The following CDH13 variants were observed in gnomAD, a reference collection of about 807,000 sequenced individuals.
CDH13 encodes the protein cadherin 13.
A neutral mutation model predicts 63.8 loss-of-function variants in CDH13; 24 were observed. The observed-to-expected ratio is 0.38, with a 90% CI of 0.27 to 0.53. CDH13 has a LOEUF of 0.53. CDH13 is among the 20% of genes least tolerant of loss of function. The pLI is 0.85. For synonymous variants in CDH13, 503 were observed against 355.3 expected, an observed-to-expected ratio of 1.42 and a Z score of -4.67; for missense variants, 1,049 against 903.1, an observed-to-expected ratio of 1.16 and a Z score of -2.07.
At chr16:83,200,252 G>A (rs1005750438) in intron 4 of CDH13, among the ~76,000 whole-genome samples, 6 of 152,182 alleles carry the variant, frequency 3.9e-5, no homozygotes, top group African/African-American at 1.2e-4. Context: ...GCTTAGCACC[G>A]TCGGCCAAGT....
At position 83,184,934 on chromosome 16, in the gene CDH13, T is replaced by A. The variant is rs566919514; in HGVS notation, c.484-32411T>A. Among the ~76,000 whole-genome samples the A allele has an allele frequency of 5.8e-3, 583 of 100,762 alleles. 1 individual carries two copies. The highest frequency in any genetic ancestry group is 0.029 in the African/African-American group (566 of 19,348). The allele number at this position is 100,762 out of a possible 152,430, so 66.1% of individuals were successfully genotyped here. A position where few individuals can be genotyped will look rare whatever the true frequency, so the allele number is the denominator to read the frequency against. ...GTGTGTGTGTGTAGTAGCAGCTTAT[T>A]TTTTTTCTATTTCTCTTTGATTTTT... On this transcript the variant is annotated intron_variant, in intron 4 of 13. Transcript: ENST00000567109.
At chr16:83,445,620 GT>G (rs144919126) in intron 6 of CDH13, among the ~76,000 whole-genome samples, 373 of 152,276 alleles carry the variant, frequency 2.4e-3, no homozygotes, top group African/African-American at 8.6e-3. Flanking sequence ...TGCACATTTT[GT>G]TAGCGATAAA....
intron 4 of CDH13, among the ~76,000 whole-genome samples, chr16:83,193,508 A>G (rs1055756982): frequency 5.9e-5 from 9 of 152,126 alleles, no homozygotes; most frequent in African/African-American, 1.9e-4. Context: ...TAGGTTCTCT[A>G]TAGGATGGGG....
At chr16:83,399,234 G>T (rs1306561930) in intron 6 of CDH13, among the ~76,000 whole-genome samples, 1 of 152,202 alleles carries the variant, frequency 6.6e-6, no homozygotes, top group South Asian at 2.1e-4. Flanking sequence ...AACAGTGTGG[G>T]TGATAATATT....
intron 7 of CDH13, among the ~76,000 whole-genome samples, chr16:83,524,498 G>C (rs1174918682): frequency 8.1e-6 from 1 of 122,960 alleles, no homozygotes; most frequent in Non-Finnish European, 1.6e-5. Context: ...TGTTGCCCAG[G>C]CTGGACTGCA....
At chr16:83,522,954 A>C (rs2074874245) in intron 7 of CDH13, among the ~76,000 whole-genome samples, 1 of 152,160 alleles carries the variant, frequency 6.6e-6, no homozygotes, top group African/African-American at 2.4e-5. Context: ...TGACCTTAGC[A>C]GGTGCTGTTC....
Position 83,082,381 on chromosome 16 carries a change from T to C in CDH13, c.367-43004T>C, listed in dbSNP as rs148963579. ...TCTCCCTGCCCTTAATCCCAGCATT[T>C]TGGAAGGCTGAGGCAGGTGGATCAC... is the stretch of plus-strand genomic sequence containing the variant. On this transcript the variant is annotated intron_variant, in intron 3 of 13. Transcript: ENST00000567109. 9.2e-5 allele frequency among the ~76,000 whole-genome samples: 14 copies of C among 152,212 alleles called. 1 individual carries two copies. The highest frequency in any genetic ancestry group is 5.9e-4 in the Admixed American group (9 of 15,282).
At chr16:83,236,547 A>T (rs1259592715) in intron 5 of CDH13, among the ~76,000 whole-genome samples, 3 of 152,182 alleles carry the variant, frequency 2.0e-5, no homozygotes, top group African/African-American at 7.2e-5. Context: ...TTTGTGATGG[A>T]TGCCAATGTG....
chr16:82,858,796 CCAAAA>C (rs2039810315), intron 2 of CDH13: 3 of 390,854 alleles, frequency 7.7e-6, no homozygotes, highest in Non-Finnish European at 1.4e-5. Flanking sequence ...GGGCAGATCC[CCAAAA>C]TCAAAATCAT....
Position 83,695,206 on chromosome 16 carries a change from CA to C in CDH13, c.1538+16754del, listed in dbSNP as rs113981003. Among the ~76,000 whole-genome samples the C allele has an allele frequency of 1.1e-4, 16 of 151,202 alleles. No homozygotes were observed. The Middle Eastern group carries it at 0.01, about 97-fold the overall frequency. On this transcript the variant is annotated intron_variant, in intron 10 of 13. Coordinates refer to ENST00000567109, the MANE Select transcript of CDH13 (RefSeq NM_001257.5). ...TGGGCAACAGACTGAGACTCTGTTTCAAAAAAAAATTATTGCAAAAATTCAT... is the reference window on the plus strand; with the variant it reads ...TGGGCAACAGACTGAGACTCTGTTTCAAAAAAAATTATTGCAAAAATTCAT...
chr16:83,503,188 G>A (rs1222201146), intron 7 of CDH13, among the ~76,000 whole-genome samples: 1 of 152,226 alleles, frequency 6.6e-6, no homozygotes, highest in Admixed American at 6.5e-5. Flanking sequence ...GTAGATTCAA[G>A]TAGTGTTGAG....
chr16:83,428,421 GT>G (rs2071984797), intron 6 of CDH13, among the ~76,000 whole-genome samples: 1 of 151,002 alleles, frequency 6.6e-6, no homozygotes. Flanking sequence ...AGCTTTGTTT[GT>G]TTTTCCATTG....
intron 3 of CDH13, among the ~76,000 whole-genome samples, chr16:83,098,140 T>A (rs2034296392): frequency 6.6e-6 from 1 of 152,194 alleles, no homozygotes; most frequent in African/African-American, 2.4e-5. Context: ...AACAGAAAAG[T>A]GTAGCCTCAA....
Position 83,290,761 on chromosome 16 carries a change from C to G in CDH13, c.637-54101C>G, listed in dbSNP as rs770250918. ...GGCCTTTCTCGGGCTCCAAGGCCCT[C>G]GTTGTGACTGTCCACTGTCCATGCA... On this transcript the variant is annotated intron_variant, in intron 5 of 13. Coordinates refer to ENST00000567109, the MANE Select transcript of CDH13 (RefSeq NM_001257.5). 2.0e-5 allele frequency among the ~76,000 whole-genome samples: 3 copies of G among 152,136 alleles called. No individual in the cohort carries two copies. The East Asian group carries it at 5.8e-4, about 29-fold the overall frequency.
At chr16:83,783,583 A>G in intron 13 of CDH13, 111 bp downstream of exon 13, 1 of 853,364 alleles carries the variant, frequency 1.2e-6, no homozygotes, top group Non-Finnish European at 2.0e-6. Flanking sequence ...TCCCAGAAGA[A>G]TCATTCATCT....
chr16:83,270,639 G>A (rs535416986), intron 5 of CDH13, among the ~76,000 whole-genome samples: 1 of 152,288 alleles, frequency 6.6e-6, no homozygotes, highest in Non-Finnish European at 1.5e-5. Context: ...GGCCCTCATT[G>A]ACACAGATTC....
intron 2 of CDH13, among the ~76,000 whole-genome samples, chr16:82,932,260 T>C (rs1464139205): frequency 6.6e-6 from 1 of 152,206 alleles, no homozygotes; most frequent in African/African-American, 2.4e-5. Flanking sequence ...TTCTAAAAAA[T>C]TGTTTATCTG....
At chr16:83,329,467 C>G (rs534510542) in intron 5 of CDH13, among the ~76,000 whole-genome samples, 2 of 151,594 alleles carry the variant, frequency 1.3e-5, no homozygotes, top group African/African-American at 2.4e-5. Flanking sequence ...GAACTCCTGA[C>G]CTCAGGTGAT....
chr16:83,778,379 AATTAGCTGGAC>A (rs1915267528), intron 11 of CDH13, among the ~76,000 whole-genome samples: 1 of 152,122 alleles, frequency 6.6e-6, no homozygotes. Flanking sequence ...AAAATACAAA[AATTAGCTGGAC>A]ATTGTGTTGC....
Sources: gnomAD v4.1 joint callset for allele counts (sites outside exome capture counted in the v4.1 genomes callset) on GRCh38, gnomAD v4.1.1 for gene constraint, MANE v1.5 for transcripts, NCBI Gene and HGNC (gene_info 2026-07-23, HGNC 2026-07-21) for gene names.